The following RAB3IP variants were observed in gnomAD, a reference collection of about 807,000 sequenced individuals.
RAB3IP encodes the protein RAB3A interacting protein.
In RAB3IP, 36 loss-of-function variants were observed where a neutral mutation model predicts 59.1. The observed-to-expected ratio is 0.61, with a 90% CI of 0.47 to 0.80. The LOEUF (loss-of-function observed/expected upper bound fraction) is 0.80. Among genes scored for constraint, RAB3IP ranks in the 30% least tolerant of loss-of-function variants. The pLI is 0.00. For missense variants in RAB3IP, 511 were observed against 536.0 expected (o/e 0.95, Z 0.46); for synonymous variants, 207 against 191.2 (o/e 1.08, Z -0.68).
chr12:69,805,902 T>C (rs1276260757), intron 8 of RAB3IP, among the ~76,000 whole-genome samples: 1 of 152,192 alleles, frequency 6.6e-6, no homozygotes, highest in Non-Finnish European at 1.5e-5. Flanking sequence ...GGTTTGCCAG[T>C]ATTTTATTGA....
At chr12:69,789,164 A>G (rs577530182) in intron 4 of RAB3IP, among the ~76,000 whole-genome samples, 26 of 152,202 alleles carry the variant, frequency 1.7e-4, no homozygotes, top group African/African-American at 5.8e-4. Context: ...GGAAGGGAAT[A>G]ACAAAGATCA....
At chr12:69,795,595 C>T (rs557137432) in intron 6 of RAB3IP, 7 of 580,302 alleles carry the variant, frequency 1.2e-5, no homozygotes, top group Non-Finnish European at 2.1e-5. Context: ...AGGGAGGAAA[C>T]TGTCATGTGT....
At chr12:69,764,230 T>G (rs1002529505) in intron 3 of RAB3IP, among the ~76,000 whole-genome samples, 1 of 152,212 alleles carries the variant, frequency 6.6e-6, no homozygotes, top group Non-Finnish European at 1.5e-5. Flanking sequence ...TTATGGATTC[T>G]TATGGCTTAT....
At chr12:69,758,904 T>C (rs952591632) in intron 3 of RAB3IP, among the ~76,000 whole-genome samples, 6 of 151,832 alleles carry the variant, frequency 4.0e-5, no homozygotes, top group Admixed American at 3.9e-4. Flanking sequence ...CCGGCATCTA[T>C]CATTGTTGAT....
chr12:69,758,756 C>CTTTTTTTTTTTTTTTTTTTTTTTT (rs71437121), intron 3 of RAB3IP, among the ~76,000 whole-genome samples: 1 of 48,206 alleles, frequency 2.1e-5, no homozygotes, highest in Non-Finnish European at 3.7e-5. Flanking sequence ...GTGTTCATTC[C>CTTTTTTTTTTTTTTTTTTTTTTTT]TTTTTTTTTT....
rs1009342979 is a variant in RAB3IP at position 69,821,589 on chromosome 12, T to A, written c.*6143T>A. On this transcript the variant is annotated 3_prime_UTR_variant, in exon 11 of 11. Coordinates refer to ENST00000247833, the MANE Select transcript of RAB3IP (RefSeq NM_022456.5). ...TTGTGTTTTCACACAATGTGCTATT[T>A]GTCCTTCACAGTGTTTTGGTTTATT... The A allele has an allele frequency of 2.0e-5, 3 of 152,264 alleles. No individual in the cohort carries two copies. Among genetic ancestry groups the A allele is most frequent in the Non-Finnish European group, 2.9e-5 (2 of 68,042 alleles). The allele number at this position is 152,264 out of a possible 1,614,324, so 9.4% of individuals were successfully genotyped here.
chr12:69,772,416 T>G (rs921890199), intron 3 of RAB3IP, among the ~76,000 whole-genome samples: 1 of 152,206 alleles, frequency 6.6e-6, no homozygotes, highest in Non-Finnish European at 1.5e-5. Flanking sequence ...AACATAATTA[T>G]TAATAAGTAA....
intron 8 of RAB3IP, among the ~76,000 whole-genome samples, chr12:69,804,788 C>CA (rs1878979970): frequency 6.6e-6 from 1 of 151,910 alleles, no homozygotes; most frequent in African/African-American, 2.4e-5. Context: ...TCAGGTTTGT[C>CA]AAAGATCAGA....
At chr12:69,789,573 C>T (rs927603611) in intron 4 of RAB3IP, among the ~76,000 whole-genome samples, 1 of 152,114 alleles carries the variant, frequency 6.6e-6, no homozygotes, top group African/African-American at 2.4e-5. Flanking sequence ...GGGAACCCTT[C>T]CAAACTCATT....
intron 1 of RAB3IP, chr12:69,739,762 G>C: frequency 6.6e-7 from 1 of 1,521,364 alleles, no homozygotes; most frequent in Non-Finnish European, 9.1e-7. Context: ...AACTCGCCCC[G>C]ACCGCCCAGG....
At chr12:69,796,742 C>G (rs549862719) in intron 6 of RAB3IP, 141 of 481,804 alleles carry the variant, frequency 2.9e-4, no homozygotes, top group African/African-American at 2.7e-3. Flanking sequence ...TTTGTCCTAA[C>G]TTTAATTCTA....
rs6581901 is a variant in RAB3IP at position 69,757,510 on chromosome 12, C to A, written c.510+847C>A. On this transcript the variant is annotated intron_variant, in intron 3 of 10. Coordinates refer to ENST00000247833, the MANE Select transcript of RAB3IP (RefSeq NM_022456.5). ...GAAATGCAGGATGTCACTGGAGACT[C>A]ATATCAAAAGTATAATGGAATGATA... Among the ~76,000 whole-genome samples, 1,014 of 152,182 alleles carry A rather than the reference C, an allele frequency of 6.7e-3. 8 individuals carry two copies. Among genetic ancestry groups the A allele is most frequent in the African/African-American group, 0.022 (933 of 41,504 alleles).
intron 3 of RAB3IP, among the ~76,000 whole-genome samples, chr12:69,783,054 C>G (rs1875016959): frequency 6.6e-6 from 1 of 152,012 alleles, no homozygotes; most frequent in East Asian, 1.9e-4. Flanking sequence ...ATTTTCTTTC[C>G]CTTGTAGGTG....
At chr12:69,784,403 G>C (rs1555224196) in intron 3 of RAB3IP, among the ~76,000 whole-genome samples, 1 of 150,236 alleles carries the variant, frequency 6.7e-6, no homozygotes, top group Non-Finnish European at 1.5e-5. Flanking sequence ...AAAGTTAAAG[G>C]AAAAAAAGAA....
rs1881803418 is a variant in RAB3IP, at chr12:69,822,042, C to A, written c.*6596C>A. ...CTGTGGGTGAATTGGTGGACGGGAT[C>A]CAGAATCATTACTTGGCAGTGGATT... On this transcript the variant is annotated 3_prime_UTR_variant, in exon 11 of 11. Transcript: ENST00000247833. 1 of 152,130 alleles carries A rather than the reference C, an allele frequency of 6.6e-6. No homozygotes were observed. Among genetic ancestry groups the A allele is most frequent in the South Asian group, 2.1e-4 (1 of 4,816 alleles). 9.4% of individuals were successfully genotyped at this position (152,130 alleles called of 1,614,324 possible). A position where few individuals can be genotyped will look rare whatever the true frequency, so the allele number is the denominator to read the frequency against.
chr12:69,812,862 T>G lies in RAB3IP; in HGVS notation c.1215T>G (p.Pro405=). ...GDSSNYYYIS[P]FCRYRITSVC... The stretch of plus-strand genomic sequence containing the variant: ...CAAGCAACTATTATTATATTTCTCC[T>G]TTTTGCAGATACAGGGTAAGTGACT... The change falls in exon 9 of 11, where the codon CCT becomes CCG. Residue 405 remains proline, a synonymous_variant. Transcript: ENST00000247833. The G allele has an allele frequency of 6.2e-7, 1 of 1,611,746 alleles. No homozygotes were observed. Among genetic ancestry groups the G allele is most frequent in the Non-Finnish European group, 8.5e-7 (1 of 1,177,826 alleles).
At chr12:69,803,254 GGGAAT>G (rs1431069850) in intron 8 of RAB3IP, among the ~76,000 whole-genome samples, 2 of 152,052 alleles carry the variant, frequency 1.3e-5, no homozygotes, top group Non-Finnish European at 2.9e-5. Flanking sequence ...TTGTGCTTGT[GGGAAT>G]GGGGCCAGAA....
intron 1 of RAB3IP, among the ~76,000 whole-genome samples, chr12:69,752,008 T>G (rs1291863795): frequency 1.3e-5 from 2 of 150,096 alleles, no homozygotes; most frequent in Non-Finnish European, 3.0e-5. Flanking sequence ...TTTGTTCTTT[T>G]TTTTTTTTTT....
chr12:69,759,783 G>T (rs557391885), intron 3 of RAB3IP, among the ~76,000 whole-genome samples: 1 of 151,542 alleles, frequency 6.6e-6, no homozygotes. Flanking sequence ...GCGGCTGGCC[G>T]GGCGGGGGCT....
Sources: allele counts gnomAD v4.1 joint callset (sites outside exome capture counted in the v4.1 genomes callset), GRCh38; gene constraint gnomAD v4.1.1; transcripts MANE v1.5; gene names NCBI Gene and HGNC (gene_info 2026-07-23, HGNC 2026-07-21).